The following FCSK variants were observed in gnomAD, a reference collection of about 807,000 sequenced individuals.
FCSK encodes the protein fucose kinase, also known as L-fucose kinase.
FCSK carries 123 observed loss-of-function variants against 122.5 expected under a neutral mutation model. The observed-to-expected ratio is 1.00, with a 90% CI of 0.87 to 1.17. The LOEUF (loss-of-function observed/expected upper bound fraction) is 1.17, where lower values mean the gene tolerates loss of function less well. Ranked by LOEUF, FCSK falls within the 50% of genes most tolerant of loss-of-function variation. The pLI is 0.00. For missense variants in FCSK, 1,366 were observed against 1,450.4 expected (o/e 0.94, Z 0.95); for synonymous variants, 620 against 625.5 (o/e 0.99, Z 0.13).
At chr16:70,471,484 T>A in intron 13 of FCSK, 132 bp downstream of exon 13, 1 of 922,734 alleles carries the variant, frequency 1.1e-6, no homozygotes, top group Non-Finnish European at 1.6e-6. Context: ...GGGTCGGATG[T>A]AGGGAGGAGA....
intron 8 of FCSK, among the ~76,000 whole-genome samples, chr16:70,468,432 G>T (rs113004905): frequency 6.6e-6 from 1 of 152,122 alleles, no homozygotes; most frequent in Non-Finnish European, 1.5e-5. Context: ...TCCCCTGCCC[G>T]CTGTAAAACA....
At chr16:70,463,886 TCA>T in intron 3 of FCSK, 112 bp downstream of exon 3, 1 of 1,208,370 alleles carries the variant, frequency 8.3e-7, no homozygotes, top group Non-Finnish European at 1.1e-6. Context: ...AGCATTGGTC[TCA>T]GTTTTTGTTT....
chr16:70,475,223 C>A, intron 18 of FCSK, 127 bp from the exon 19 acceptor site: 1 of 1,162,274 alleles, frequency 8.6e-7, no homozygotes. Context: ...GGGGATGGGG[C>A]CAGTACTGCT....
At chr16:70,464,656 T>C (rs981206010) in intron 3 of FCSK, among the ~76,000 whole-genome samples, 1 of 132,948 alleles carries the variant, frequency 7.5e-6, no homozygotes, top group Non-Finnish European at 1.5e-5. Context: ...GCTGAGATCA[T>C]GCCATTGCAC....
In FCSK at chr16:70,467,396, G is replaced by A. The variant is rs1468013478; in HGVS notation, c.507G>A (p.Arg169=). ...CAGGTATCAGCTGGGACAGCTTCCG[G>A]GGAGCCAGAGTGATCGCCCTCCCAG... ...ANPGISWDSF[R]GARVIALPGS... is the part of the protein sequence containing the mutation. The change falls in exon 7 of 24, where the codon CGG becomes CGA. Residue 169 remains arginine, a synonymous_variant. Coordinates refer to ENST00000288078, the MANE Select transcript of FCSK (RefSeq NM_145059.3). 6.2e-7 allele frequency: 1 copy of A among 1,610,124 alleles called. No individual in the cohort carries two copies. Among genetic ancestry groups the A allele is most frequent in the African/African-American group, 1.3e-5 (1 of 74,810 alleles).
chr16:70,465,288 A>G (rs2048383493), intron 4 of FCSK, 112 bp downstream of exon 4: 2 of 1,084,206 alleles, frequency 1.8e-6, no homozygotes, highest in East Asian at 2.5e-5. Flanking sequence ...TGAAATCTGA[A>G]AGATTCTAAA....
At position 70,473,502 on chromosome 16, in the gene FCSK, G is replaced by C. The variant is rs1332133076; in HGVS notation, c.1777+149G>C. On this transcript the variant is annotated intron_variant, in intron 15 of 23. Transcript: ENST00000288078. The surrounding 1 kb of genome is among the most constrained non-coding windows in gnomAD (Gnocchi z 4.9). ...GGAGTTTACTTTTAGGATTCTGGAAGGCCTCATCCTTGTCAATGGGGTTTG... is the reference window on the plus strand; with the variant it reads ...GGAGTTTACTTTTAGGATTCTGGAACGCCTCATCCTTGTCAATGGGGTTTG... The C allele has an allele frequency of 3.0e-6, 3 of 1,012,024 alleles. No individual in the cohort carries two copies. Among genetic ancestry groups the C allele is most frequent in the Admixed American group, 3.0e-5 (1 of 32,884 alleles). 62.7% of individuals were successfully genotyped at this position (1,012,024 alleles called of 1,614,324 possible).
Position 70,469,310 on chromosome 16 carries a change from GCCCCT to G in FCSK, c.943_947del (p.Pro315TyrfsTer19), listed in dbSNP as rs1567702202. ...AGCTGTGGAGGGAGCTTCGCGATCAGCCCCTTACCATGGGTGGGTACTGCCTCTCA... is the reference window on the plus strand; with the variant it reads ...AGCTGTGGAGGGAGCTTCGCGATCAGTACCATGGGTGGGTACTGCCTCTCA... On this transcript the variant is annotated frameshift_variant, in exon 10 of 24. Transcript: ENST00000288078. LOFTEE classifies it high-confidence loss of function. The G allele has an allele frequency of 1.9e-6, 3 of 1,600,226 alleles. No individual in the cohort carries two copies. In the Admixed American group the frequency reaches 5.1e-5, roughly 27 times the overall value.
At chr16:70,475,114 G>T (rs2048763239) in intron 18 of FCSK, 103 bp downstream of exon 18, 1 of 1,157,894 alleles carries the variant, frequency 8.6e-7, no homozygotes, top group Admixed American at 2.4e-5. Flanking sequence ...GGGCCAGCCA[G>T]TCTGGCTGAG....
Position 70,467,446 on chromosome 16 carries a change from A to G in FCSK, c.557A>G (p.His186Arg), listed in dbSNP as rs773231437. ...LPGSPAYAQN[H>R]GVYLTDPQGL... ...GGGAGCCCGGCCTACGCTCAGAATCATGGCGTCTACCTAACTGACCCCCAG... is the reference window on the plus strand; with the variant it reads ...GGGAGCCCGGCCTACGCTCAGAATCGTGGCGTCTACCTAACTGACCCCCAG... Residue 186 changes from histidine (H) to arginine (R), a missense_variant, in exon 7 of 24, where the codon CAT becomes CGT. By Grantham distance (29) the His-to-Arg change is conservative (BLOSUM62 0). Coordinates refer to ENST00000288078, the MANE Select transcript of FCSK (RefSeq NM_145059.3). 4.4e-6 allele frequency: 7 copies of G among 1,607,844 alleles called. No homozygotes were observed. In the Admixed American group the frequency reaches 5.1e-5, roughly 12 times the overall value.
chr16:70,466,122 C>T lies in FCSK; in HGVS notation c.286-10C>T, dbSNP rs202235764. The T allele has an allele frequency of 3.7e-5, 59 of 1,613,010 alleles. No individual in the cohort carries two copies. Among genetic ancestry groups the T allele is most frequent in the Admixed American group, 5.0e-5 (3 of 59,972 alleles). ...CACTGAGGCTTCCTCACCAGTCCCCCGACTTCCAGGGTCGAGACTTCCCCT... is the reference window on the plus strand; with the variant it reads ...CACTGAGGCTTCCTCACCAGTCCCCTGACTTCCAGGGTCGAGACTTCCCCT... On this transcript the variant is annotated splice_polypyrimidine_tract_variant and intron_variant, in intron 4 of 23. Coordinates refer to ENST00000288078, the MANE Select transcript of FCSK (RefSeq NM_145059.3).
chr16:70,475,365 C>G lies in FCSK; in HGVS notation c.2393C>G (p.Ala798Gly), dbSNP rs1298180576. Residue 798 changes from alanine (A) to glycine (G), a missense_variant, in exon 19 of 24, where the codon GCG (alanine) becomes GGG (glycine). Coordinates refer to ENST00000288078, the MANE Select transcript of FCSK (RefSeq NM_145059.3). ...QPHAPGALLK[A>G]AFICAGIVHV... is the part of the protein sequence containing the mutation. ...CCTTCTGCAGGGGCCCTGCTGAAGG[C>G]GGCCTTCATCTGTGCAGGGATCGTG... 6.2e-7 allele frequency: 1 copy of G among 1,610,256 alleles called. No individual in the cohort carries two copies. Among genetic ancestry groups the G allele is most frequent in the Non-Finnish European group, 8.5e-7 (1 of 1,179,854 alleles).
chr16:70,475,261 C>A, intron 18 of FCSK, 89 bp from the exon 19 acceptor site: 1 of 1,488,778 alleles, frequency 6.7e-7, no homozygotes, highest in South Asian at 1.2e-5. Flanking sequence ...CCGGATGAGT[C>A]CCGCACTGGG....
intron 20 of FCSK, among the ~76,000 whole-genome samples, chr16:70,476,762 GT>G (rs1442199623): frequency 6.6e-6 from 1 of 152,174 alleles, no homozygotes; most frequent in African/African-American, 2.4e-5. Context: ...CCCATAATCG[GT>G]AGTCATTAGC....
Position 70,475,778 on chromosome 16 carries a change from G to GGTGCTCA in FCSK, c.2641+11_2641+12insGTGCTCA, listed in dbSNP as rs776247080. 2.3e-4 allele frequency: 351 copies of GGTGCTCA among 1,553,994 alleles called. No individual in the cohort carries two copies. Among genetic ancestry groups the GGTGCTCA allele is most frequent in the Non-Finnish European group, 2.0e-4 (232 of 1,148,616 alleles). On this transcript the variant is annotated intron_variant, in intron 20 of 23. Coordinates refer to ENST00000288078, the MANE Select transcript of FCSK (RefSeq NM_145059.3). ...AGGTGCTCACCACTGGTATGTGACT[G>GGTGCTCA]CCCTGGAGTTGGAGGAGGTCACTGA...
chr16:70,475,757 G>C lies in FCSK; in HGVS notation c.2631G>C (p.Val877=). ...LIHAVLHLEQ[V]LTTGGGWQDQ... is the part of the protein sequence containing the mutation. Reference sequence around the variant, plus strand: ...ACGCAGTGCTGCACCTGGAGCAGGTGCTCACCACTGGTATGTGACTGCCCT... The same window carrying C: ...ACGCAGTGCTGCACCTGGAGCAGGTCCTCACCACTGGTATGTGACTGCCCT... Residue 877 remains valine (V), a synonymous_variant, in exon 20 of 24, where the codon GTG becomes GTC. Transcript: ENST00000288078. 6.3e-7 allele frequency: 1 copy of C among 1,585,792 alleles called. No homozygotes were observed. Among genetic ancestry groups the C allele is most frequent in the South Asian group, 1.1e-5 (1 of 89,208 alleles).
rs17879135 is a variant in FCSK, at chr16:70,463,332, A to G, written c.82+60A>G. On this transcript the variant is annotated intron_variant, in intron 2 of 23. Coordinates refer to ENST00000288078, the MANE Select transcript of FCSK (RefSeq NM_145059.3). ...GAGAACCTCCCTCCCCTTCCTGGCTATGTCCCTCCAACACCAGGTGCCAGG... is the reference window on the plus strand; with the variant it reads ...GAGAACCTCCCTCCCCTTCCTGGCTGTGTCCCTCCAACACCAGGTGCCAGG... The G allele has an allele frequency of 7.9e-3, 11,483 of 1,449,130 alleles. 787 individuals are homozygous for G. The African/African-American group carries it at 0.14, about 18-fold the overall frequency. The allele number at this position is 1,449,130 out of a possible 1,614,324, so 89.8% of individuals were successfully genotyped here.
intron 1 of FCSK, chr16:70,454,865 G>A (rs1232492525): frequency 6.6e-6 from 1 of 152,238 alleles, no homozygotes; most frequent in Admixed American, 6.5e-5. Context: ...CCCGCGACCC[G>A]GCTGGTGCGG....
In FCSK at chr16:70,474,139, G is replaced by A; in HGVS notation, c.1788G>A (p.Gly596=). 1 of 1,550,312 alleles carries A rather than the reference G, an allele frequency of 6.5e-7. No homozygotes were observed. The highest frequency in any genetic ancestry group is 8.7e-7 in the Non-Finnish European group (1 of 1,147,136). The change falls in exon 16 of 24, where the codon GGG becomes GGA. Residue 596 remains glycine (G), a synonymous_variant. Coordinates refer to ENST00000288078, the MANE Select transcript of FCSK (RefSeq NM_145059.3). The part of the protein sequence containing the change: ...LLATLDQVAA[G]AGDPGVAARA... ...CTCCTTGTCCCTCAGTTGCAGCTGG[G>A]GCAGGAGACCCTGGTGTGGCGGCAC...
Sources: gnomAD v4.1 joint callset for allele counts (sites outside exome capture counted in the v4.1 genomes callset) on GRCh38, gnomAD v4.1.1 for gene constraint, Gnocchi (gnomAD v3.1) non-coding constraint, MANE v1.5 for transcripts, NCBI Gene and HGNC (gene_info 2026-07-23, HGNC 2026-07-21) for gene names.